DLG2: variants seen among roughly 807,000 people sequenced by gnomAD.
The protein encoded by DLG2 is disks large homolog 2.
DLG2 carries 45 observed loss-of-function variants against 132.5 expected under a neutral mutation model. That is an observed-to-expected ratio of 0.34 (90% CI 0.27 to 0.44). The LOEUF is 0.44. DLG2 is among the 20% of genes least tolerant of loss of function. DLG2 has a pLI of 1.00. For synonymous variants in DLG2, 424 were observed against 419.6 expected, an observed-to-expected ratio of 1.01 and a Z score of -0.13; for missense variants, 1,045 against 1,196.9, an observed-to-expected ratio of 0.87 and a Z score of 1.87.
At chr11:85,153,656 A>G (rs573525552) in intron 5 of DLG2, among the ~76,000 whole-genome samples, 4 of 152,206 alleles carry the variant, frequency 2.6e-5, no homozygotes, top group Admixed American at 1.3e-4. Context: ...AACCATATTA[A>G]ATATGAAGTA....
At chr11:84,613,960 G>T (rs2099599827) in intron 6 of DLG2, among the ~76,000 whole-genome samples, 1 of 152,152 alleles carries the variant, frequency 6.6e-6, no homozygotes, top group African/African-American at 2.4e-5. Context: ...GTGGGACCTT[G>T]CCTATGGATC....
intron 3 of DLG2, among the ~76,000 whole-genome samples, chr11:85,591,104 C>T (rs1032841226): frequency 3.9e-5 from 6 of 152,080 alleles, no homozygotes; most frequent in Non-Finnish European, 8.8e-5. Context: ...GATACCCAAC[C>T]CTCTTGATGG....
At chr11:83,837,194 G>A (rs1373290087) in intron 16 of DLG2, among the ~76,000 whole-genome samples, 1 of 152,120 alleles carries the variant, frequency 6.6e-6, no homozygotes, top group South Asian at 2.1e-4. Flanking sequence ...CACTGTGCAG[G>A]GGTGGAAGTT....
chr11:84,827,628 G>A (rs1257846626), intron 6 of DLG2, among the ~76,000 whole-genome samples: 1 of 130,962 alleles, frequency 7.6e-6, no homozygotes, highest in East Asian at 2.3e-4. Flanking sequence ...GGAAGTTGAT[G>A]GAAGCACTGG....
chr11:85,250,746 G>A (rs1043803355), intron 4 of DLG2, among the ~76,000 whole-genome samples: 1 of 152,184 alleles, frequency 6.6e-6, no homozygotes, highest in South Asian at 2.1e-4. Flanking sequence ...GGCACAAATA[G>A]TGAACCTAAT....
chr11:84,500,180 A>C (rs563790922), intron 7 of DLG2, among the ~76,000 whole-genome samples: 1 of 152,280 alleles, frequency 6.6e-6, no homozygotes, highest in African/African-American at 2.4e-5. Flanking sequence ...GAAAGGTACC[A>C]TTAGACAGGG....
chr11:83,853,064 A>G (rs186143640), intron 16 of DLG2, among the ~76,000 whole-genome samples: 13 of 152,280 alleles, frequency 8.5e-5, no homozygotes, highest in Middle Eastern at 3.4e-3. Flanking sequence ...AATCATCAAA[A>G]TTTTTCCTCT....
At chr11:84,326,769 T>C (rs926188844) in intron 7 of DLG2, among the ~76,000 whole-genome samples, 1 of 152,198 alleles carries the variant, frequency 6.6e-6, no homozygotes, top group African/African-American at 2.4e-5. Flanking sequence ...TCTGTTTCCT[T>C]ATCAATCCTC....
chr11:85,357,704 TTATATATATA>T (rs58283704), intron 3 of DLG2, among the ~76,000 whole-genome samples: 179 of 106,172 alleles, frequency 1.7e-3, no homozygotes, highest in South Asian at 4.4e-3. Flanking sequence ...CTGTTCTGAA[TTATATATATA>T]TATATATATA....
In DLG2 at chr11:85,567,580, G is replaced by T. The variant is rs564423414; in HGVS notation, c.40+31077C>A. Among the ~76,000 whole-genome samples the T allele has an allele frequency of 9.2e-5, 14 of 152,106 alleles. No homozygotes were observed. The East Asian group carries it at 2.7e-3, about 29-fold the overall frequency. On this transcript the variant is annotated intron_variant, in intron 3 of 27. Transcript: ENST00000376104. ...CTAAATACAAGATCATGTAATCTGG[G>T]AATTTATTTTTACTCCTTCCTTTCC...
chr11:85,346,064 C>T (rs1250619975), intron 3 of DLG2, among the ~76,000 whole-genome samples: 1 of 152,044 alleles, frequency 6.6e-6, no homozygotes, highest in African/African-American at 2.4e-5. Context: ...AGAACAGCTA[C>T]TCCATAGACA....
chr11:84,534,437 G>A (rs892908195), intron 7 of DLG2, 133 bp downstream of exon 7: 1 of 833,872 alleles, frequency 1.2e-6, no homozygotes, highest in Non-Finnish European at 1.9e-6. Flanking sequence ...GCACAAGAAA[G>A]ACCCTTTGGC....
intron 9 of DLG2, 31 bp from the exon 10 acceptor site, chr11:84,099,078 T>C (rs1353433176): frequency 1.2e-6 from 2 of 1,604,884 alleles, no homozygotes; most frequent in East Asian, 4.5e-5. Context: ...TATTAAATGA[T>C]GTGTCTGTCA....
At chr11:83,630,666 C>G (rs564803101) in intron 19 of DLG2, among the ~76,000 whole-genome samples, 1 of 152,200 alleles carries the variant, frequency 6.6e-6, no homozygotes, top group East Asian at 1.9e-4. Flanking sequence ...ACAGCTGACA[C>G]CACATAAACT....
rs568740160 is a variant in DLG2 at position 84,729,074 on chromosome 11, G to T, written c.358-194343C>A. ...ATTGATTTTTTGAAGGTTTTTTTGGGTCTGTATCTCCTTCAGTTCTGCTCT... is the reference window on the plus strand; with the variant it reads ...ATTGATTTTTTGAAGGTTTTTTTGGTTCTGTATCTCCTTCAGTTCTGCTCT... On this transcript the variant is annotated intron_variant, in intron 6 of 27. Transcript: ENST00000376104. 9.2e-5 allele frequency among the ~76,000 whole-genome samples: 14 copies of T among 151,982 alleles called. No individual in the cohort carries two copies. In the South Asian group the frequency reaches 2.9e-3, roughly 32 times the overall value.
chr11:85,418,789 T>C (rs1565463117), intron 3 of DLG2, among the ~76,000 whole-genome samples: 2 of 152,196 alleles, frequency 1.3e-5, no homozygotes, highest in Admixed American at 1.3e-4. Context: ...GCCTAGTAAA[T>C]ATCCTTCCAT....
At chr11:83,979,386 G>A (rs1268091493) in intron 12 of DLG2, among the ~76,000 whole-genome samples, 1 of 152,094 alleles carries the variant, frequency 6.6e-6, no homozygotes, top group Non-Finnish European at 1.5e-5. Context: ...TTTTACAAGG[G>A]TAGACATGTG....
intron 18 of DLG2, among the ~76,000 whole-genome samples, chr11:83,645,294 A>T (rs2067832711): frequency 6.6e-6 from 1 of 152,154 alleles, no homozygotes; most frequent in Non-Finnish European, 1.5e-5. Context: ...GGATATCATT[A>T]TGACCTAAGC....
rs140789144 is a variant in DLG2, at chr11:83,677,247, C to A, written c.1826-43922G>T. On this transcript the variant is annotated intron_variant, in intron 18 of 27. Coordinates refer to ENST00000376104, the MANE Select transcript of DLG2 (RefSeq NM_001142699.3). ...ACCACTAAAGGCATGCTTTGTCTTG[C>A]TTTTGTTTGTTTGTTACCTCTTTGC... 5.5e-4 allele frequency among the ~76,000 whole-genome samples: 83 copies of A among 152,162 alleles called. No individual in the cohort carries two copies. In the East Asian group the frequency reaches 0.013, roughly 25 times the overall value.
Sources: allele counts gnomAD v4.1 joint callset (sites outside exome capture counted in the v4.1 genomes callset), GRCh38; gene constraint gnomAD v4.1.1; transcripts MANE v1.5; gene names NCBI Gene and HGNC (gene_info 2026-07-23, HGNC 2026-07-21).